The following CAMK1D variants were observed in gnomAD, a reference collection of about 807,000 sequenced individuals.
CAMK1D encodes the protein calcium/calmodulin dependent protein kinase ID.
A neutral mutation model predicts 47.7 loss-of-function variants in CAMK1D; 9 were observed. The observed-to-expected ratio is 0.19, with a 90% confidence interval of 0.11 to 0.33. The LOEUF is 0.33. CAMK1D is among the 10% of genes least tolerant of loss of function. The pLI, the probability that CAMK1D is intolerant of heterozygous loss-of-function variation, is 1.00. For missense variants in CAMK1D, 291 were observed against 488.7 expected (o/e 0.60, Z 3.81); for synonymous variants, 184 against 184.9 (o/e 0.99, Z 0.04).
At chr10:12,428,607 C>T (rs894658117) in intron 1 of CAMK1D, among the ~76,000 whole-genome samples, 6 of 152,144 alleles carry the variant, frequency 3.9e-5, no homozygotes, top group African/African-American at 7.2e-5. Flanking sequence ...AGGGCAGCCC[C>T]GGGAAGAGGC....
At position 12,531,555 on chromosome 10, in the gene CAMK1D, C is replaced by T. The variant is rs145715087; in HGVS notation, c.93-21670C>T. Among the ~76,000 whole-genome samples, 451 of 152,326 alleles carry T rather than the reference C, an allele frequency of 3.0e-3. 3 individuals carry two copies. The highest frequency in any genetic ancestry group is 9.7e-3 in the African/African-American group (404 of 41,566). On this transcript the variant is annotated intron_variant, in intron 1 of 10. Coordinates refer to ENST00000619168, the MANE Select transcript of CAMK1D (RefSeq NM_153498.4). ...CAGCGTGTACCATCATGAACTGCCA[C>T]GGAGCAGGAGAGACTCCAGGGAATC...
At chr10:12,404,903 G>T (rs759899410) in intron 1 of CAMK1D, among the ~76,000 whole-genome samples, 4 of 151,920 alleles carry the variant, frequency 2.6e-5, no homozygotes, top group Admixed American at 6.6e-5. Flanking sequence ...TGGTCGGGCT[G>T]GTCTTGAACT....
intron 1 of CAMK1D, among the ~76,000 whole-genome samples, chr10:12,530,861 A>G (rs2132220157): frequency 6.6e-6 from 1 of 152,238 alleles, no homozygotes; most frequent in Middle Eastern, 3.4e-3. Flanking sequence ...GTTCGAGACC[A>G]GCCTGGCCAA....
At chr10:12,798,853 A>G (rs1321200214) in intron 6 of CAMK1D, among the ~76,000 whole-genome samples, 1 of 152,218 alleles carries the variant, frequency 6.6e-6, no homozygotes, top group Non-Finnish European at 1.5e-5. Flanking sequence ...CTGTGCACAC[A>G]GAAGAATCAG....
At chr10:12,463,375 T>G (rs1833495005) in intron 1 of CAMK1D, among the ~76,000 whole-genome samples, 1 of 152,140 alleles carries the variant, frequency 6.6e-6, no homozygotes, top group South Asian at 2.1e-4. Flanking sequence ...TGACCTCAAA[T>G]GATTCACCCA....
chr10:12,505,175 TAA>T (rs1192798721), intron 1 of CAMK1D, among the ~76,000 whole-genome samples: 1 of 152,154 alleles, frequency 6.6e-6, no homozygotes, highest in Non-Finnish European at 1.5e-5. Context: ...GTGAGCAGTC[TAA>T]GAGAAAAGAG....
At chr10:12,402,078 A>T (rs150342111) in intron 1 of CAMK1D, among the ~76,000 whole-genome samples, 1,826 of 149,154 alleles carry the variant, frequency 0.012, 34 homozygotes, top group African/African-American at 0.042. Context: ...GTATATATAT[A>T]TATTTTTTTG....
At position 12,743,085 on chromosome 10, in the gene CAMK1D, G is replaced by A. The variant is rs368473378; in HGVS notation, c.300-17863G>A. On this transcript the variant is annotated intron_variant, in intron 3 of 10. Transcript: ENST00000619168. ...AGGCTGGGTGCCGTGGCTCACGCCT[G>A]TAATCCCAGCACTTTGCGAGGCCGA... Among the ~76,000 whole-genome samples, 10 of 152,350 alleles carry A rather than the reference G, an allele frequency of 6.6e-5. No individual in the cohort carries two copies. The East Asian group carries it at 9.7e-4, about 15-fold the overall frequency.
chr10:12,595,029 C>T (rs1019951825), intron 2 of CAMK1D, among the ~76,000 whole-genome samples: 4 of 152,046 alleles, frequency 2.6e-5, no homozygotes, highest in African/African-American at 9.7e-5. Context: ...TGCTGAGGTT[C>T]CAGGCATGAT....
chr10:12,812,693 C>T (rs1401219895), intron 6 of CAMK1D, among the ~76,000 whole-genome samples: 1 of 152,208 alleles, frequency 6.6e-6, no homozygotes, highest in Non-Finnish European at 1.5e-5. Flanking sequence ...GCAAGTTCTG[C>T]ACCACGCTGC....
chr10:12,365,234 G>A (rs1191501741), intron 1 of CAMK1D, among the ~76,000 whole-genome samples: 1 of 152,076 alleles, frequency 6.6e-6, no homozygotes, highest in African/African-American at 2.4e-5. Flanking sequence ...GGGATTACAG[G>A]TGTGAGCCAC....
At chr10:12,749,550 T>TTTTG (rs200753252) in intron 3 of CAMK1D, among the ~76,000 whole-genome samples, 1,910 of 135,620 alleles carry the variant, frequency 0.014, 71 homozygotes, top group African/African-American at 0.058. Flanking sequence ...TTTGTTTGTT[T>TTTTG]TTTGTTTGTT....
chr10:12,364,679 A>C (rs111462823), intron 1 of CAMK1D, among the ~76,000 whole-genome samples: 1 of 151,964 alleles, frequency 6.6e-6, no homozygotes, highest in Non-Finnish European at 1.5e-5. Context: ...GAAGAGAAGG[A>C]GGCCATTGGA....
rs1833474939 is a variant in CAMK1D, at chr10:12,834,562, T to C, written c.*5675T>C. The stretch of plus-strand genomic sequence containing the variant: ...AAACGGTTGCATTCACCCTTTGTAC[T>C]ATAACACCGCTTCTGCATTCGCCAT... On this transcript the variant is annotated 3_prime_UTR_variant, in exon 11 of 11. Transcript: ENST00000619168. 6.6e-6 allele frequency: 1 copy of C among 152,240 alleles called. No individual in the cohort carries two copies. The highest frequency in any genetic ancestry group is 6.5e-5 in the Admixed American group (1 of 15,286). The allele number at this position is 152,240 out of a possible 1,614,324, so 9.4% of individuals were successfully genotyped here. A position where few individuals can be genotyped will look rare whatever the true frequency, so the allele number is the denominator to read the frequency against.
intron 2 of CAMK1D, among the ~76,000 whole-genome samples, chr10:12,586,115 C>G (rs1321710743): frequency 6.6e-6 from 1 of 152,084 alleles, no homozygotes; most frequent in Non-Finnish European, 1.5e-5. Flanking sequence ...TTATGGAAGC[C>G]CCACCATGAA....
At chr10:12,546,518 T>G (rs1174136216) in intron 1 of CAMK1D, among the ~76,000 whole-genome samples, 1 of 152,126 alleles carries the variant, frequency 6.6e-6, no homozygotes, top group African/African-American at 2.4e-5. Flanking sequence ...AGGTGAGGTT[T>G]GCACATGAGA....
intron 3 of CAMK1D, among the ~76,000 whole-genome samples, chr10:12,756,242 C>T: frequency 6.6e-6 from 1 of 152,152 alleles, no homozygotes; most frequent in East Asian, 1.9e-4. Flanking sequence ...TTGTTCAAGA[C>T]ATAAAATACT....
intron 1 of CAMK1D, among the ~76,000 whole-genome samples, chr10:12,478,518 G>A (rs1833970098): frequency 1.3e-5 from 2 of 151,958 alleles, no homozygotes; most frequent in African/African-American, 4.8e-5. Flanking sequence ...TGTTGCCCAG[G>A]CTGGTCTCAA....
intron 1 of CAMK1D, among the ~76,000 whole-genome samples, chr10:12,448,206 T>C (rs977106880): frequency 6.6e-6 from 1 of 151,536 alleles, no homozygotes; most frequent in African/African-American, 2.4e-5. Flanking sequence ...TTTTTATTTA[T>C]TTATTTTTTT....
Sources: allele counts gnomAD v4.1 joint callset (sites outside exome capture counted in the v4.1 genomes callset), GRCh38; gene constraint gnomAD v4.1.1; transcripts MANE v1.5; gene names NCBI Gene and HGNC (gene_info 2026-07-23, HGNC 2026-07-21).